Variants in SLC7A2 observed in about 807,000 individuals in gnomAD.
SLC7A2 encodes solute carrier family 7 member 2.
Under a neutral mutation model 58.9 loss-of-function variants are expected in SLC7A2, and 48 were observed. That is an observed-to-expected ratio of 0.82 (90% CI 0.65 to 1.04). SLC7A2 has a LOEUF of 1.04. Among genes scored for constraint, SLC7A2 ranks in the 50% least tolerant of loss-of-function variants. The pLI is 0.00. For synonymous variants in SLC7A2, 363 were observed against 314.5 expected (o/e 1.15, Z -1.63); for missense variants, 1,029 against 818.8 (o/e 1.26, Z -3.13).
intron 2 of SLC7A2, among the ~76,000 whole-genome samples, chr8:17,510,237 A>G (rs1800547992): frequency 1.3e-5 from 2 of 151,678 alleles, no homozygotes; most frequent in South Asian, 4.2e-4. Context: ...ACAAATAATA[A>G]TAATAATAAT....
intron 12 of SLC7A2, among the ~76,000 whole-genome samples, chr8:17,564,378 G>A (rs1030767563): frequency 6.6e-6 from 1 of 152,140 alleles, no homozygotes; most frequent in African/African-American, 2.4e-5. Flanking sequence ...AGTCTATAAA[G>A]TTTGGGTCTT....
At chr8:17,560,817 G>A (rs761792602) in intron 10 of SLC7A2, among the ~76,000 whole-genome samples, 7 of 152,198 alleles carry the variant, frequency 4.6e-5, no homozygotes, top group Non-Finnish European at 1.0e-4. Flanking sequence ...TGCCCTCTGG[G>A]TGAAAGCATC....
chr8:17,523,210 C>T (rs751547936), intron 2 of SLC7A2, among the ~76,000 whole-genome samples: 2 of 151,996 alleles, frequency 1.3e-5, no homozygotes, highest in African/African-American at 2.4e-5. Context: ...AAGTAATCTA[C>T]AAATTCAGTG....
intron 2 of SLC7A2, among the ~76,000 whole-genome samples, chr8:17,523,007 C>G (rs1335062487): frequency 1.3e-5 from 2 of 152,054 alleles, no homozygotes; most frequent in Non-Finnish European, 2.9e-5. Context: ...TGCACTCCAG[C>G]CAGGGTGACA....
intron 2 of SLC7A2, among the ~76,000 whole-genome samples, chr8:17,512,121 T>C (rs1344172014): frequency 6.6e-6 from 1 of 152,228 alleles, no homozygotes; most frequent in African/African-American, 2.4e-5. Context: ...ATGGATGTCC[T>C]GTGAGCTCTT....
At chr8:17,548,903 TG>T in intron 5 of SLC7A2, 60 bp downstream of exon 5, 1 of 1,390,882 alleles carries the variant, frequency 7.2e-7, no homozygotes, top group Non-Finnish European at 1.0e-6. Context: ...TTTAAGTGGG[TG>T]TATTAGTTCA....
chr8:17,530,336 G>C (rs539289503), intron 2 of SLC7A2, among the ~76,000 whole-genome samples: 4 of 152,216 alleles, frequency 2.6e-5, no homozygotes, highest in South Asian at 4.1e-4. Flanking sequence ...GGCAAGGTGG[G>C]GGCAGCTGGA....
chr8:17,562,020 C>T lies in SLC7A2; in HGVS notation c.1581C>T (p.Leu527=), dbSNP rs139462829. ...TCACCAGGCTGGAGGCCTGGAGCCTCGCTCTCCTCGCGCTGTTTCTTGTTC... is the reference window on the plus strand; with the variant it reads ...TCACCAGGCTGGAGGCCTGGAGCCTTGCTCTCCTCGCGCTGTTTCTTGTTC... ...HAITRLEAWS[L]ALLALFLVLF... is the part of the protein sequence containing the mutation. Residue 527 remains leucine (L), a synonymous_variant, in exon 11 of 13, where the codon CTC becomes CTT. Transcript: ENST00000494857. The T allele has an allele frequency of 9.6e-4, 1,547 of 1,614,006 alleles. 9 individuals carry two copies. Among genetic ancestry groups the T allele is most frequent in the South Asian group, 8.7e-3 (793 of 91,072 alleles).
rs35210464 is a variant in SLC7A2 at position 17,566,028 on chromosome 8, C to T, written c.*882C>T. ...AGGGCCAGAAAGCTCATGGAGTGGC[C>T]GTAATGAGAATATGTTTGAAGATCA... On this transcript the variant is annotated 3_prime_UTR_variant, in exon 13 of 13. Transcript: ENST00000494857. 6.6e-6 allele frequency: 1 copy of T among 152,018 alleles called. No individual in the cohort carries two copies. Among genetic ancestry groups the T allele is most frequent in the Non-Finnish European group, 1.5e-5 (1 of 68,012 alleles). 9.4% of individuals were successfully genotyped at this position (152,018 alleles called of 1,614,324 possible).
chr8:17,543,319 T>A lies in SLC7A2; in HGVS notation c.-21T>A, dbSNP rs1326684281. ...TCTAACCTCCTCCCTTCTGCTCAGGTCGCCTTCGTCAGACGTCAGAATGAT... is the reference window on the plus strand; with the variant it reads ...TCTAACCTCCTCCCTTCTGCTCAGGACGCCTTCGTCAGACGTCAGAATGAT... On this transcript the variant is annotated splice_region_variant and 5_prime_UTR_variant, in exon 3 of 13. Transcript: ENST00000494857. 6.3e-7 allele frequency: 1 copy of A among 1,597,730 alleles called. No individual in the cohort carries two copies. The highest frequency in any genetic ancestry group is 8.5e-7 in the Non-Finnish European group (1 of 1,172,268).
intron 2 of SLC7A2, among the ~76,000 whole-genome samples, chr8:17,541,203 C>G (rs1801897993): frequency 6.6e-6 from 1 of 152,166 alleles, no homozygotes; most frequent in African/African-American, 2.4e-5. Context: ...CCTTTCCCAT[C>G]CCTCCTGGCC....
intron 6 of SLC7A2, among the ~76,000 whole-genome samples, chr8:17,551,091 C>T (rs1376588462): frequency 6.6e-6 from 1 of 152,200 alleles, no homozygotes; most frequent in Non-Finnish European, 1.5e-5. Flanking sequence ...CATTTAATCT[C>T]TGTAGATGAA....
chr8:17,525,968 A>T (rs961866788), intron 2 of SLC7A2, among the ~76,000 whole-genome samples: 2 of 152,178 alleles, frequency 1.3e-5, no homozygotes, highest in African/African-American at 4.8e-5. Context: ...TAATTTGCAT[A>T]TACCTTAGAA....
chr8:17,526,827 T>C (rs1801239814), intron 2 of SLC7A2, among the ~76,000 whole-genome samples: 3 of 152,216 alleles, frequency 2.0e-5, no homozygotes, highest in Admixed American at 2.0e-4. Flanking sequence ...GCATGCCCTC[T>C]TTCTCCACGA....
In SLC7A2 at chr8:17,550,238, A is replaced by C. The variant is rs1047568437; in HGVS notation, c.699-63A>C. On this transcript the variant is annotated intron_variant, in intron 5 of 12. Transcript: ENST00000494857. ...ACCTTCCAAGGATATAGTCTGAGAA[A>C]AGTCACCAGAAGGAGAGTTTTCTGT... 3.3e-6 allele frequency: 5 copies of C among 1,523,694 alleles called. No homozygotes were observed. The African/African-American group carries it at 6.9e-5, about 21-fold the overall frequency. The allele number at this position is 1,523,694 out of a possible 1,614,324, so 94.4% of individuals were successfully genotyped here.
chr8:17,550,298 T>TA lies in SLC7A2; in HGVS notation c.699-2dup, dbSNP rs1169043462. 1 of 1,613,434 alleles carries TA rather than the reference T, an allele frequency of 6.2e-7. No homozygotes were observed. The highest frequency in any genetic ancestry group is 8.5e-7 in the Non-Finnish European group (1 of 1,179,818). ...TTTCCAATGTGTTTGTTCTCTTTCT[T>TA]AGAGAGCCACCTTCTGAAAACGGAA... On this transcript the variant is annotated splice_polypyrimidine_tract_variant and splice_region_variant and intron_variant, in intron 5 of 12. Coordinates refer to ENST00000494857, the MANE Select transcript of SLC7A2 (RefSeq NM_001370338.1).
intron 2 of SLC7A2, 120 bp from the exon 3 acceptor site, chr8:17,543,198 A>G: frequency 1.1e-6 from 1 of 879,698 alleles, no homozygotes; most frequent in Non-Finnish European, 1.7e-6. Context: ...AAACACACAC[A>G]CACACACACA....
At chr8:17,525,655 C>T (rs1055513897) in intron 2 of SLC7A2, among the ~76,000 whole-genome samples, 2 of 152,172 alleles carry the variant, frequency 1.3e-5, no homozygotes, top group Non-Finnish European at 2.9e-5. Flanking sequence ...TAGAATCCTA[C>T]ATGCCTCAAC....
chr8:17,543,243 G>C, intron 2 of SLC7A2, 75 bp from the exon 3 acceptor site: 1 of 1,341,148 alleles, frequency 7.5e-7, no homozygotes, highest in Non-Finnish European at 1.0e-6. Context: ...TACTCTAATT[G>C]TGCCTGGAAG....
Sources: gnomAD v4.1 joint callset for allele counts (sites outside exome capture counted in the v4.1 genomes callset) on GRCh38, gnomAD v4.1.1 for gene constraint, MANE v1.5 for transcripts, NCBI Gene and HGNC (gene_info 2026-07-23, HGNC 2026-07-21) for gene names.